The following RGS6 variants were observed in gnomAD, a reference collection of about 807,000 sequenced individuals.
RGS6 encodes the protein regulator of G protein signaling 6.
A neutral mutation model predicts 78.5 loss-of-function variants in RGS6; 30 were observed. The ratio of observed to expected loss-of-function variants is 0.38; its 90% CI spans 0.29 to 0.52. The LOEUF is 0.52. Ranked by LOEUF, RGS6 falls within the 20% of genes least tolerant of loss-of-function variation. The pLI, the probability that RGS6 is intolerant of heterozygous loss-of-function variation, is 0.85. For synonymous variants in RGS6, 206 were observed against 206.0 expected (o/e 1.00, Z 0.00); for missense variants, 495 against 609.7 (o/e 0.81, Z 1.98).
At chr14:72,496,983 T>A (rs2096653613) in intron 13 of RGS6, among the ~76,000 whole-genome samples, 1 of 152,192 alleles carries the variant, frequency 6.6e-6, no homozygotes, top group Non-Finnish European at 1.5e-5. Context: ...GAAGTAAGAT[T>A]TATTTTACCA....
At position 71,997,857 on chromosome 14, in the gene RGS6, C is replaced by T. The variant is rs189157429; in HGVS notation, c.84+32982C>T. 1.9e-3 allele frequency among the ~76,000 whole-genome samples: 289 copies of T among 152,256 alleles called. 2 individuals are homozygous for T. The highest frequency in any genetic ancestry group is 3.2e-3 in the Non-Finnish European group (216 of 68,006). ...GCTCTGTATCAGTTAGAGTTCAGTA[C>T]AAGACATGAAAACTTGGCTATAAAT... On this transcript the variant is annotated intron_variant, in intron 2 of 17. Transcript: ENST00000553525.
the RGS6 span, among the ~76,000 whole-genome samples, chr14:72,572,201 T>C: frequency 7.9e-5 from 12 of 152,336 alleles, no homozygotes; most frequent in East Asian, 2.3e-3. Flanking sequence ...GGTGGTAATG[T>C]AAAATGCTGC....
chr14:72,532,549 G>A (rs1355380074), intron 15 of RGS6, among the ~76,000 whole-genome samples: 1 of 152,240 alleles, frequency 6.6e-6, no homozygotes, highest in Non-Finnish European at 1.5e-5. Context: ...AGGAAGGCAT[G>A]TTGAAAGCCA....
At chr14:71,941,994 A>C (rs567082704) in intron 1 of RGS6, among the ~76,000 whole-genome samples, 17 of 152,312 alleles carry the variant, frequency 1.1e-4, no homozygotes, top group Middle Eastern at 3.4e-3. Flanking sequence ...CCAGTGCCCC[A>C]AAATATACCT....
At chr14:72,450,501 A>AAT (rs2095467750) in intron 3 of RGS6, among the ~76,000 whole-genome samples, 1 of 152,176 alleles carries the variant, frequency 6.6e-6, no homozygotes, top group African/African-American at 2.4e-5. Flanking sequence ...ATATCCCTGG[A>AAT]ATATATATTG....
chr14:72,546,801 C>A (rs187974813), intron 17 of RGS6, among the ~76,000 whole-genome samples: 1 of 152,190 alleles, frequency 6.6e-6, no homozygotes, highest in African/African-American at 2.4e-5. Context: ...AGATCCAAAT[C>A]GCGTACCCTG....
At chr14:72,427,534 G>A (rs564874248) in intron 3 of RGS6, among the ~76,000 whole-genome samples, 1 of 152,342 alleles carries the variant, frequency 6.6e-6, no homozygotes, top group East Asian at 1.9e-4. Context: ...TTCTGTGTAA[G>A]ATAAGTGATT....
chr14:72,424,902 C>T (rs763351234), intron 3 of RGS6, among the ~76,000 whole-genome samples: 35 of 152,180 alleles, frequency 2.3e-4, no homozygotes, highest in Non-Finnish European at 4.3e-4. Context: ...TTTCAGTTTA[C>T]AAACCCTTCA....
chr14:72,269,284 T>G (rs982600099), intron 2 of RGS6, among the ~76,000 whole-genome samples: 2 of 152,228 alleles, frequency 1.3e-5, no homozygotes, highest in Non-Finnish European at 2.9e-5. Flanking sequence ...GACTTGTGAC[T>G]GTTTTCCCAT....
the RGS6 span, among the ~76,000 whole-genome samples, chr14:72,626,941 C>G: frequency 3.6e-5 from 5 of 138,378 alleles, no homozygotes; most frequent in Non-Finnish European, 6.1e-5. Context: ...TTTTTTTTTG[C>G]ATCTTTAAGG....
chr14:72,508,020 T>C (rs1474627345), intron 13 of RGS6, among the ~76,000 whole-genome samples: 1 of 152,234 alleles, frequency 6.6e-6, no homozygotes, highest in African/African-American at 2.4e-5. Context: ...TGGCTTGCGT[T>C]TGAGAGAATC....
At chr14:72,589,182 AAAT>A in the RGS6 span, among the ~76,000 whole-genome samples, 1 of 152,194 alleles carries the variant, frequency 6.6e-6, no homozygotes. Context: ...AAAAAAAATA[AAAT>A]AAAGATATCC....
At chr14:72,544,776 C>T (rs552552319) in intron 17 of RGS6, among the ~76,000 whole-genome samples, 36 of 152,328 alleles carry the variant, frequency 2.4e-4, no homozygotes, top group African/African-American at 8.2e-4. Flanking sequence ...TGTTCCTTCC[C>T]CTGCCAAAAG....
intron 2 of RGS6, among the ~76,000 whole-genome samples, chr14:72,235,523 A>G (rs1044657679): frequency 2.0e-5 from 3 of 152,206 alleles, no homozygotes; most frequent in African/African-American, 7.2e-5. Flanking sequence ...ATCATGTATA[A>G]TCTACTTCCT....
chr14:72,348,702 C>T (rs1408087593), intron 2 of RGS6, among the ~76,000 whole-genome samples: 4 of 152,180 alleles, frequency 2.6e-5, no homozygotes, highest in South Asian at 4.1e-4. Flanking sequence ...TGAATTTCTG[C>T]GTTCTTAGAA....
At chr14:72,034,853 T>A (rs1330148956) in intron 2 of RGS6, among the ~76,000 whole-genome samples, 1 of 152,190 alleles carries the variant, frequency 6.6e-6, no homozygotes, top group Non-Finnish European at 1.5e-5. Flanking sequence ...AGTTACCATA[T>A]TCCCCTATTA....
At chr14:72,244,497 G>T (rs934644939) in intron 2 of RGS6, among the ~76,000 whole-genome samples, 3 of 152,182 alleles carry the variant, frequency 2.0e-5, no homozygotes, top group African/African-American at 7.2e-5. Context: ...CCGGATCTTA[G>T]TGTCATCTTT....
chr14:72,492,158 T>C (rs2096586775), intron 12 of RGS6, among the ~76,000 whole-genome samples: 1 of 152,194 alleles, frequency 6.6e-6, no homozygotes, highest in African/African-American at 2.4e-5. Context: ...CAAAAGAGGT[T>C]AACAAGAGAA....
intron 1 of RGS6, among the ~76,000 whole-genome samples, chr14:71,937,549 G>A (rs560360558): frequency 4.6e-5 from 7 of 152,288 alleles, no homozygotes; most frequent in African/African-American, 1.7e-4. Context: ...ACTTCGAAAG[G>A]CCATTCCACC....
Sources: gnomAD v4.1 joint callset for allele counts (sites outside exome capture counted in the v4.1 genomes callset) on GRCh38, gnomAD v4.1.1 for gene constraint, MANE v1.5 for transcripts, NCBI Gene and HGNC (gene_info 2026-07-23, HGNC 2026-07-21) for gene names.